Variants in PPM1H observed in about 807,000 individuals in gnomAD.
PPM1H encodes the protein protein phosphatase 1H.
PPM1H carries 27 observed loss-of-function variants against 54.9 expected under a neutral mutation model. That is an observed-to-expected ratio of 0.49 (90% CI 0.36 to 0.68). The LOEUF is 0.68. Among genes scored for constraint, PPM1H ranks in the 30% least tolerant of loss-of-function variants. The pLI, the probability that PPM1H is intolerant of heterozygous loss-of-function variation, is 0.00. For synonymous variants in PPM1H, 305 were observed against 270.8 expected, an observed-to-expected ratio of 1.13 and a Z score of -1.24; for missense variants, 596 against 667.8, an observed-to-expected ratio of 0.89 and a Z score of 1.19.
chr12:62,931,519 A>G (rs1872130812), intron 1 of PPM1H, among the ~76,000 whole-genome samples: 1 of 152,218 alleles, frequency 6.6e-6, no homozygotes, highest in African/African-American at 2.4e-5. Context: ...GAAGCGGTAC[A>G]GTATATTATC....
intron 5 of PPM1H, among the ~76,000 whole-genome samples, chr12:62,727,810 G>A (rs1021098588): frequency 1.9e-4 from 29 of 151,794 alleles, no homozygotes; most frequent in African/African-American, 6.0e-4. Context: ...ACATGCGTGC[G>A]CCACCATGCC....
chr12:62,830,446 A>G (rs4763034), intron 2 of PPM1H, among the ~76,000 whole-genome samples: 29,858 of 151,910 alleles, frequency 0.2, 3,439 homozygotes, highest in African/African-American at 0.31. Context: ...TAGTAGAGAC[A>G]GGGTGTCACT....
At chr12:62,696,821 G>A (rs1055043519) in intron 6 of PPM1H, among the ~76,000 whole-genome samples, 1 of 152,158 alleles carries the variant, frequency 6.6e-6, no homozygotes, top group Non-Finnish European at 1.5e-5. Flanking sequence ...GACCAAAAAG[G>A]TGGAGTGGCC....
intron 8 of PPM1H, among the ~76,000 whole-genome samples, chr12:62,684,255 C>T (rs145220956): frequency 7.2e-5 from 11 of 152,100 alleles, no homozygotes; most frequent in East Asian, 1.9e-4. Context: ...GGCCTGTGCT[C>T]GACTGGTGGT....
At chr12:62,698,902 C>T (rs1018449039) in intron 6 of PPM1H, among the ~76,000 whole-genome samples, 4 of 152,132 alleles carry the variant, frequency 2.6e-5, no homozygotes, top group Non-Finnish European at 4.4e-5. Flanking sequence ...TAGTTTTAGT[C>T]CATTGTTCCA....
In PPM1H at chr12:62,735,466, C is replaced by T. The variant is rs527478899; in HGVS notation, c.954+2036G>A. On this transcript the variant is annotated intron_variant, in intron 5 of 9. Coordinates refer to ENST00000228705, the MANE Select transcript of PPM1H (RefSeq NM_020700.2). ...CTCCTGGGCTCAAGCGATCCTCCCA[C>T]CTCAGCCTTCCAAAGTGCTGGGATT... 6.6e-4 allele frequency among the ~76,000 whole-genome samples: 100 copies of T among 152,296 alleles called. 1 individual carries two copies. The South Asian group carries it at 0.019, about 29-fold the overall frequency.
chr12:62,694,415 A>T (rs1229850705), intron 6 of PPM1H, among the ~76,000 whole-genome samples: 1 of 152,222 alleles, frequency 6.6e-6, no homozygotes, highest in African/African-American at 2.4e-5. Flanking sequence ...GTTTATACCA[A>T]AACAGCCTTG....
At chr12:62,895,426 T>C (rs1159285122) in intron 1 of PPM1H, among the ~76,000 whole-genome samples, 1 of 152,090 alleles carries the variant, frequency 6.6e-6, no homozygotes, top group East Asian at 1.9e-4. Context: ...GGGCACAGGG[T>C]AGTGGTTCTC....
chr12:62,648,299 A>C lies in PPM1H; in HGVS notation c.*190T>G. ...TTTGTGTTTTGCTCTTGTTGAGTTG[A>C]CCTGTTACTAAAGAAGAAATGGAAA... On this transcript the variant is annotated 3_prime_UTR_variant, in exon 10 of 10. Coordinates refer to ENST00000228705, the MANE Select transcript of PPM1H (RefSeq NM_020700.2). 1.6e-6 allele frequency: 1 copy of C among 638,964 alleles called. No homozygotes were observed. The highest frequency in any genetic ancestry group is 2.6e-6 in the Non-Finnish European group (1 of 383,304). The allele number at this position is 638,964 out of a possible 1,614,324, so 39.6% of individuals were successfully genotyped here. A position where few individuals can be genotyped will look rare whatever the true frequency, so the allele number is the denominator to read the frequency against.
rs368104736 is a variant in PPM1H at position 62,715,630 on chromosome 12, G to A, written c.1073+4541C>T. On this transcript the variant is annotated intron_variant, in intron 6 of 9. Coordinates refer to ENST00000228705, the MANE Select transcript of PPM1H (RefSeq NM_020700.2). ...GCAACAGACTCATCCTTAATTATGAGACAAGCCTTCCCAGAGCTGACATCC... is the reference window on the plus strand; with the variant it reads ...GCAACAGACTCATCCTTAATTATGAAACAAGCCTTCCCAGAGCTGACATCC... Among the ~76,000 whole-genome samples the A allele has an allele frequency of 3.9e-5, 6 of 152,242 alleles. No individual in the cohort carries two copies. The East Asian group carries it at 1.2e-3, about 29-fold the overall frequency.
At chr12:62,842,209 A>G (rs1018038030) in intron 1 of PPM1H, among the ~76,000 whole-genome samples, 5 of 152,232 alleles carry the variant, frequency 3.3e-5, no homozygotes, top group African/African-American at 7.2e-5. Context: ...TCATTTGTAT[A>G]TAGCTATTTG....
chr12:62,924,187 T>C (rs1871893739), intron 1 of PPM1H, among the ~76,000 whole-genome samples: 2 of 152,262 alleles, frequency 1.3e-5, no homozygotes, highest in South Asian at 2.1e-4. Flanking sequence ...TGACCCCATT[T>C]TGTAAGACGA....
chr12:62,844,856 T>C lies in PPM1H; in HGVS notation c.246-12577A>G, dbSNP rs1868901051. On this transcript the variant is annotated intron_variant, in intron 1 of 9. Transcript: ENST00000228705. The surrounding 1 kb of genome is among the most constrained non-coding windows in gnomAD (Gnocchi z 5.2). Reference sequence around the variant, plus strand: ...ATATATTTCTTAAAGCTTACAATATTTGGAGTTTCTCCTCATTTGATTTCT... The same window carrying C: ...ATATATTTCTTAAAGCTTACAATATCTGGAGTTTCTCCTCATTTGATTTCT... Among the ~76,000 whole-genome samples, 1 of 152,250 alleles carries C rather than the reference T, an allele frequency of 6.6e-6. No homozygotes were observed. Among genetic ancestry groups the C allele is most frequent in the South Asian group, 2.1e-4 (1 of 4,836 alleles).
At chr12:62,841,087 G>A (rs1044938568) in intron 1 of PPM1H, among the ~76,000 whole-genome samples, 13 of 152,116 alleles carry the variant, frequency 8.5e-5, no homozygotes, top group African/African-American at 2.9e-4. Flanking sequence ...GCAGAATGAG[G>A]AGAATGAGGT....
At chr12:62,651,395 T>C (rs975489566) in intron 9 of PPM1H, among the ~76,000 whole-genome samples, 1 of 152,158 alleles carries the variant, frequency 6.6e-6, no homozygotes, top group African/African-American at 2.4e-5. Context: ...CCTGCAGTCA[T>C]GGAGAAATGA....
At chr12:62,741,796 C>G (rs2076382392) in intron 4 of PPM1H, among the ~76,000 whole-genome samples, 1 of 152,138 alleles carries the variant, frequency 6.6e-6, no homozygotes, top group African/African-American at 2.4e-5. Flanking sequence ...GCCAGACGTG[C>G]AACAATTGCT....
chr12:62,803,519 A>T (rs1016514407), intron 2 of PPM1H, among the ~76,000 whole-genome samples: 5 of 152,194 alleles, frequency 3.3e-5, no homozygotes, highest in African/African-American at 1.2e-4. Context: ...ATTGGGCCCT[A>T]TTCTTATATC....
intron 8 of PPM1H, among the ~76,000 whole-genome samples, chr12:62,685,008 A>G (rs1483367556): frequency 6.6e-6 from 1 of 151,654 alleles, no homozygotes; most frequent in Non-Finnish European, 1.5e-5. Context: ...CCCTTCTAAC[A>G]GTTCCACCCC....
chr12:62,860,846 T>A (rs929834128), intron 1 of PPM1H, among the ~76,000 whole-genome samples: 8 of 152,146 alleles, frequency 5.3e-5, no homozygotes, highest in African/African-American at 1.7e-4. Flanking sequence ...AACAATGGGG[T>A]TGTTGGATGA....
Sources: gnomAD v4.1 joint callset for allele counts (sites outside exome capture counted in the v4.1 genomes callset) on GRCh38, gnomAD v4.1.1 for gene constraint, Gnocchi (gnomAD v3.1) non-coding constraint, MANE v1.5 for transcripts, NCBI Gene and HGNC (gene_info 2026-07-23, HGNC 2026-07-21) for gene names.